Variants in TFEC observed in about 807,000 individuals in gnomAD.
The protein encoded by TFEC is transcription factor EC, also known as class E basic helix-loop-helix protein 34.
Under a neutral mutation model 41.6 loss-of-function variants are expected in TFEC, and 31 were observed. That is an observed-to-expected ratio of 0.74 (90% confidence interval 0.56 to 1.01). TFEC has a LOEUF of 1.01. Among genes scored for constraint, TFEC ranks in the 50% least tolerant of loss-of-function variants. The pLI is 0.00. For synonymous variants in TFEC, 143 were observed against 140.6 expected (o/e 1.02, Z -0.12); for missense variants, 402 against 404.1 (o/e 0.99, Z 0.04).
intron 6 of TFEC, among the ~76,000 whole-genome samples, chr7:115,945,529 G>T (rs1791485035): frequency 6.6e-6 from 1 of 151,670 alleles, no homozygotes; most frequent in Non-Finnish European, 1.5e-5. Flanking sequence ...AACAGAATTA[G>T]TACTGAGATT....
chr7:116,006,457 G>T (rs976686122), intron 1 of TFEC, among the ~76,000 whole-genome samples: 3 of 152,198 alleles, frequency 2.0e-5, no homozygotes, highest in Non-Finnish European at 4.4e-5. Flanking sequence ...TGCCCTGCCA[G>T]ATTTCAGATT....
intron 1 of TFEC, among the ~76,000 whole-genome samples, chr7:116,000,838 A>AT (rs752340309): frequency 7.2e-5 from 11 of 152,134 alleles, no homozygotes; most frequent in Non-Finnish European, 1.3e-4. Flanking sequence ...ATGCTAATGA[A>AT]TTGGAAGAAT....
chr7:116,148,440 GA>G (rs1441705028), intron 1 of TFEC, among the ~76,000 whole-genome samples: 6 of 152,122 alleles, frequency 3.9e-5, no homozygotes, highest in African/African-American at 1.2e-4. Flanking sequence ...CAGAATCCAC[GA>G]ACAGAGCAAT....
chr7:116,151,725 G>A (rs1798766142), intron 1 of TFEC, among the ~76,000 whole-genome samples: 1 of 151,888 alleles, frequency 6.6e-6, no homozygotes, highest in African/African-American at 2.4e-5. Context: ...TTATATTTGG[G>A]AGATTTACAT....
intron 3 of TFEC, among the ~76,000 whole-genome samples, chr7:116,097,041 G>T (rs2115902028): frequency 6.6e-6 from 1 of 150,836 alleles, no homozygotes; most frequent in East Asian, 2.0e-4. Context: ...AGTGAGCTGA[G>T]ATTGCACCAC....
At chr7:115,952,537 G>A (rs763440892) in intron 5 of TFEC, among the ~76,000 whole-genome samples, 48 of 151,916 alleles carry the variant, frequency 3.2e-4, no homozygotes, top group Non-Finnish European at 5.9e-4. Flanking sequence ...TTTTTGTCCT[G>A]TCACATTTCT....
intron 1 of TFEC, among the ~76,000 whole-genome samples, chr7:116,120,840 G>A (rs1798093882): frequency 6.6e-6 from 1 of 151,658 alleles, no homozygotes; most frequent in Admixed American, 6.6e-5. Context: ...CTGTCTTTGG[G>A]GCCTCAACTA....
chr7:116,088,420 T>C (rs1401740500), intron 3 of TFEC, among the ~76,000 whole-genome samples: 1 of 152,132 alleles, frequency 6.6e-6, no homozygotes, highest in African/African-American at 2.4e-5. Flanking sequence ...TTTGCGATAA[T>C]TAGAAAATCA....
intron 3 of TFEC, among the ~76,000 whole-genome samples, chr7:116,105,507 G>A (rs1442998810): frequency 1.3e-5 from 2 of 152,098 alleles, no homozygotes; most frequent in Non-Finnish European, 2.9e-5. Flanking sequence ...ATCCCTGCAG[G>A]CCCCCAGTGG....
At chr7:116,010,215 T>C (rs1485234263) in intron 1 of TFEC, among the ~76,000 whole-genome samples, 1 of 152,074 alleles carries the variant, frequency 6.6e-6, no homozygotes, top group Admixed American at 6.6e-5. Flanking sequence ...TATATAAAGG[T>C]GTCTTATTTT....
intron 1 of TFEC, among the ~76,000 whole-genome samples, chr7:116,131,424 T>C (rs1023864041): frequency 2.0e-5 from 3 of 152,188 alleles, no homozygotes; most frequent in Non-Finnish European, 4.4e-5. Flanking sequence ...ATCCATAACA[T>C]AGATCTTTAC....
chr7:116,044,573 C>G lies in TFEC; in HGVS notation c.199-60060G>C, dbSNP rs371998627. On this transcript the variant is annotated intron_variant, in intron 3 of 8. Transcript: ENST00000484212. ...ATATAAGCAAAATGTTCTTCAATTTCTTTAGTTTTTATTTTCTTTTCAGTT... is the reference window on the plus strand; with the variant it reads ...ATATAAGCAAAATGTTCTTCAATTTGTTTAGTTTTTATTTTCTTTTCAGTT... Among the ~76,000 whole-genome samples the G allele has an allele frequency of 7.9e-5, 12 of 152,252 alleles. No homozygotes were observed. In the East Asian group the frequency reaches 2.3e-3, roughly 29 times the overall value.
At chr7:116,154,453 C>A (rs907123961) in intron 1 of TFEC, among the ~76,000 whole-genome samples, 4 of 151,994 alleles carry the variant, frequency 2.6e-5, no homozygotes, top group African/African-American at 9.7e-5. Context: ...TTCTTGAAAG[C>A]ATGGTAGGAA....
intron 3 of TFEC, among the ~76,000 whole-genome samples, chr7:115,960,013 T>C (rs998023520): frequency 6.6e-6 from 1 of 151,662 alleles, no homozygotes; most frequent in South Asian, 2.1e-4. Context: ...CCATAAGTTA[T>C]CATTATTTTA....
Position 116,030,675 on chromosome 7 carries a change from A to G in TFEC, c.-115T>C, listed in dbSNP as rs1489796729. The G allele has an allele frequency of 2.0e-6, 2 of 985,332 alleles. No individual in the cohort carries two copies. Among genetic ancestry groups the G allele is most frequent in the African/African-American group, 1.7e-5 (1 of 57,242 alleles). The allele number at this position is 985,332 out of a possible 1,614,324, so 61.0% of individuals were successfully genotyped here. ...TATCAGTGTTGTCATCTCTACAAAC[A>G]GCACCAAATTATAATCCCTCTTCCC... On this transcript the variant is annotated 5_prime_UTR_variant, in exon 1 of 8. Transcript: ENST00000265440.
intron 3 of TFEC, among the ~76,000 whole-genome samples, chr7:115,970,445 G>A (rs926336015): frequency 6.6e-6 from 1 of 151,954 alleles, no homozygotes; most frequent in Non-Finnish European, 1.5e-5. Context: ...GGAGAAAATG[G>A]GGGCAGTGAG....
At chr7:115,957,525 T>C (rs1792299151) in intron 3 of TFEC, among the ~76,000 whole-genome samples, 1 of 151,912 alleles carries the variant, frequency 6.6e-6, no homozygotes. Context: ...CACCAATTCA[T>C]TATTCAAAGT....
chr7:115,947,699 T>C (rs1295371362), intron 6 of TFEC, among the ~76,000 whole-genome samples: 1 of 150,576 alleles, frequency 6.6e-6, no homozygotes, highest in Non-Finnish European at 1.5e-5. Flanking sequence ...CATGTGTTTT[T>C]TGGCTGCATA....
intron 5 of TFEC, among the ~76,000 whole-genome samples, chr7:115,953,981 A>G (rs1331071609): frequency 1.3e-5 from 2 of 152,112 alleles, no homozygotes; most frequent in Non-Finnish European, 1.5e-5. Context: ...CTCACTTGAG[A>G]CAGTTACACA....
Sources: allele counts gnomAD v4.1 joint callset (sites outside exome capture counted in the v4.1 genomes callset), GRCh38; gene constraint gnomAD v4.1.1; transcripts MANE v1.5; gene names NCBI Gene and HGNC (gene_info 2026-07-23, HGNC 2026-07-21).